Variants in MPDZ observed in about 807,000 individuals in gnomAD.
MPDZ encodes multiple PDZ domain protein.
A neutral mutation model predicts 239.1 loss-of-function variants in MPDZ; 234 were observed. The ratio of observed to expected loss-of-function variants is 0.98; its 90% CI spans 0.88 to 1.09. The LOEUF is 1.09. MPDZ is among the 50% of genes least tolerant of loss of function. The pLI is 0.00. For missense variants in MPDZ, 3,175 were observed against 2,510.0 expected (o/e 1.26, Z -5.66); for synonymous variants, 1,048 against 881.3 (o/e 1.19, Z -3.35).
intron 22 of MPDZ, 80 bp from the exon 23 acceptor site, chr9:13,162,875 A>C: frequency 1.1e-6 from 1 of 917,970 alleles, no homozygotes; most frequent in Non-Finnish European, 1.7e-6. Context: ...AAAATAAAGG[A>C]AACAAATCAT....
At chr9:13,182,769 T>G (rs1239850613) in intron 19 of MPDZ, among the ~76,000 whole-genome samples, 2 of 152,178 alleles carry the variant, frequency 1.3e-5, no homozygotes, top group African/African-American at 2.4e-5. Context: ...TATTACTTAT[T>G]GAACATTATA....
chr9:13,187,572 T>C (rs932376134), intron 17 of MPDZ, among the ~76,000 whole-genome samples: 10 of 152,116 alleles, frequency 6.6e-5, no homozygotes, highest in Non-Finnish European at 1.3e-4. Context: ...CCCTCCTCCT[T>C]CTCTTTCTTT....
intron 19 of MPDZ, 57 bp downstream of exon 19, chr9:13,183,361 C>A: frequency 6.9e-7 from 1 of 1,442,062 alleles, no homozygotes; most frequent in East Asian, 2.4e-5. Flanking sequence ...GGACTGAGCT[C>A]TGGAAAATTA....
At chr9:13,134,020 C>A (rs1182359677) in intron 31 of MPDZ, 116 bp from the exon 32 acceptor site, 1 of 368,024 alleles carries the variant, frequency 2.7e-6, no homozygotes, top group Non-Finnish European at 4.8e-6. Flanking sequence ...AATTATTTTA[C>A]ATTTATTTAT....
intron 1 of MPDZ, among the ~76,000 whole-genome samples, chr9:13,262,031 C>A (rs2138776630): frequency 6.6e-6 from 1 of 151,176 alleles, no homozygotes; most frequent in African/African-American, 2.4e-5. Context: ...GGCAACAGAA[C>A]AAGACCCTGT....
At chr9:13,198,214 C>T (rs1955897266) in intron 12 of MPDZ, among the ~76,000 whole-genome samples, 1 of 152,116 alleles carries the variant, frequency 6.6e-6, no homozygotes, top group African/African-American at 2.4e-5. Flanking sequence ...TTACCATCAA[C>T]AGCATTATGA....
chr9:13,107,112 C>G lies in MPDZ; in HGVS notation c.6067-1G>C, dbSNP rs2130916456. On this transcript the variant is annotated splice_acceptor_variant, in intron 46 of 46. Coordinates refer to ENST00000319217, the MANE Select transcript of MPDZ (RefSeq NM_001378778.1). LOFTEE classifies it high-confidence loss of function. ...GACGTCCGTCTTCAGAGGCTGCTCC[C>G]TGCAAATTATAAAGTAGACTTGTTT... 1 of 1,561,672 alleles carries G rather than the reference C, an allele frequency of 6.4e-7. No individual in the cohort carries two copies. The highest frequency in any genetic ancestry group is 8.8e-7 in the Non-Finnish European group (1 of 1,142,788).
chr9:13,113,905 T>C (rs770409092), intron 41 of MPDZ, 26 bp downstream of exon 41: 4 of 1,535,358 alleles, frequency 2.6e-6, no homozygotes, highest in Non-Finnish European at 3.5e-6. Context: ...ATTCAAACCA[T>C]GTTTAAAATA....
chr9:13,164,613 T>C (rs1285073783), intron 22 of MPDZ, among the ~76,000 whole-genome samples: 1 of 152,194 alleles, frequency 6.6e-6, no homozygotes, highest in African/African-American at 2.4e-5. Flanking sequence ...TAAAGATGTT[T>C]CCATCCCAAA....
intron 12 of MPDZ, among the ~76,000 whole-genome samples, chr9:13,200,974 G>C (rs1956317642): frequency 6.6e-6 from 1 of 151,956 alleles, no homozygotes; most frequent in African/African-American, 2.4e-5. Flanking sequence ...TTGATTTTCT[G>C]TCTGGACAAT....
chr9:13,268,546 T>C (rs1436019780), intron 1 of MPDZ, among the ~76,000 whole-genome samples: 1 of 152,100 alleles, frequency 6.6e-6, no homozygotes, highest in Non-Finnish European at 1.5e-5. Context: ...CGGTAAGTAA[T>C]TATACGGCAA....
intron 1 of MPDZ, among the ~76,000 whole-genome samples, chr9:13,253,489 A>T (rs1968640017): frequency 6.6e-6 from 1 of 152,154 alleles, no homozygotes. Flanking sequence ...TAATCACAAA[A>T]TTTTTTAGAT....
At chr9:13,108,232 C>T (rs7871226) in intron 46 of MPDZ, among the ~76,000 whole-genome samples, 132,138 of 152,092 alleles carry the variant, frequency 0.87, 57,982 homozygotes, top group Non-Finnish European at 0.94. Context: ...ATTTTGTAGC[C>T]CCTGAAAAAC....
intron 3 of MPDZ, among the ~76,000 whole-genome samples, chr9:13,238,685 A>C (rs983094598): frequency 6.6e-6 from 1 of 152,200 alleles, no homozygotes; most frequent in African/African-American, 2.4e-5. Context: ...TTGATGCACT[A>C]TCAAAGAAGG....
At chr9:13,140,783 A>G (rs1187250125) in intron 27 of MPDZ, 1 of 152,122 alleles carries the variant, frequency 6.6e-6, no homozygotes, top group Non-Finnish European at 1.5e-5. Flanking sequence ...AAAATTAACA[A>G]AGAAGTTGCC....
intron 3 of MPDZ, among the ~76,000 whole-genome samples, chr9:13,239,380 T>C (rs543610616): frequency 2.6e-5 from 4 of 152,264 alleles, no homozygotes; most frequent in Non-Finnish European, 1.5e-5. Flanking sequence ...TCCCTATCTA[T>C]AAAATGAGGA....
chr9:13,265,596 T>G (rs1156411314), intron 1 of MPDZ, among the ~76,000 whole-genome samples: 1 of 152,080 alleles, frequency 6.6e-6, no homozygotes, highest in Non-Finnish European at 1.5e-5. Context: ...AAGAAAGCAT[T>G]TGGTACTCAA....
chr9:13,190,109 C>T lies in MPDZ; in HGVS notation c.2154+5G>A, dbSNP rs766960894. 11 of 1,609,506 alleles carry T rather than the reference C, an allele frequency of 6.8e-6. No homozygotes were observed. In the South Asian group the frequency reaches 1.0e-4, roughly 15 times the overall value. On this transcript the variant is annotated splice_donor_5th_base_variant and intron_variant, in intron 16 of 46. Coordinates refer to ENST00000319217, the MANE Select transcript of MPDZ (RefSeq NM_001378778.1). Reference sequence around the variant, plus strand: ...TAAAAATTGTTAAAAGTAGTATATACTTACCTGATAATCTAAAATGCTAAA... The same window carrying T: ...TAAAAATTGTTAAAAGTAGTATATATTTACCTGATAATCTAAAATGCTAAA...
intron 39 of MPDZ, among the ~76,000 whole-genome samples, chr9:13,117,939 G>A (rs925274566): frequency 3.3e-5 from 5 of 151,000 alleles, no homozygotes; most frequent in African/African-American, 7.3e-5. Flanking sequence ...CTGCCTCCCG[G>A]GTTCAGGCGA....
Sources: gnomAD v4.1 joint callset for allele counts (sites outside exome capture counted in the v4.1 genomes callset) on GRCh38, gnomAD v4.1.1 for gene constraint, MANE v1.5 for transcripts, NCBI Gene and HGNC (gene_info 2026-07-23, HGNC 2026-07-21) for gene names.